HPSE2: variants seen among roughly 807,000 people sequenced by gnomAD.
The protein encoded by HPSE2 is inactive heparanase-2.
In HPSE2, 38 loss-of-function variants were observed where a neutral mutation model predicts 60.5. The ratio of observed to expected loss-of-function variants is 0.63; its 90% CI spans 0.48 to 0.82. The LOEUF is 0.82. Among genes scored for constraint, HPSE2 ranks in the 40% least tolerant of loss-of-function variants. The probability of loss-of-function intolerance (pLI) is 0.00; values close to 1 mark genes in which losing one functional copy is unlikely to be tolerated. For missense variants in HPSE2, 713 were observed against 740.4 expected (o/e 0.96, Z 0.43); for synonymous variants, 295 against 293.2 (o/e 1.01, Z -0.06).
the HPSE2 span, among the ~76,000 whole-genome samples, chr10:99,298,768 G>A: frequency 7.3e-5 from 11 of 151,490 alleles, no homozygotes; most frequent in Non-Finnish European, 1.2e-4. Flanking sequence ...TCTGCCTTCC[G>A]GGTTCGAGAG....
intron 6 of HPSE2, among the ~76,000 whole-genome samples, chr10:98,668,242 A>G (rs1169691776): frequency 6.6e-6 from 1 of 152,180 alleles, no homozygotes; most frequent in Non-Finnish European, 1.5e-5. Context: ...GGAATTACAA[A>G]ATACTGCTGA....
intron 3 of HPSE2, among the ~76,000 whole-genome samples, chr10:98,794,609 A>AT (rs1167375284): frequency 2.6e-5 from 4 of 152,196 alleles, no homozygotes; most frequent in African/African-American, 9.6e-5. Context: ...TGAACTTGAA[A>AT]TTTTTTTAAA....
At chr10:98,942,236 T>C (rs1001065764) in intron 3 of HPSE2, among the ~76,000 whole-genome samples, 2 of 142,080 alleles carry the variant, frequency 1.4e-5, no homozygotes, top group African/African-American at 2.9e-5. Flanking sequence ...AAATGGGATC[T>C]AATTAAACTC....
chr10:98,704,485 G>T (rs1948494666), intron 5 of HPSE2, among the ~76,000 whole-genome samples: 1 of 151,814 alleles, frequency 6.6e-6, no homozygotes, highest in South Asian at 2.1e-4. Flanking sequence ...GAAGCTAGAG[G>T]CATCATGCTA....
chr10:99,271,034 G>A, the HPSE2 span, among the ~76,000 whole-genome samples: 5 of 152,128 alleles, frequency 3.3e-5, no homozygotes, highest in South Asian at 2.1e-4. Context: ...ACATAATACC[G>A]AATGGGGAAA....
intron 3 of HPSE2, among the ~76,000 whole-genome samples, chr10:99,112,262 C>A (rs1844491972): frequency 6.6e-6 from 1 of 152,044 alleles, no homozygotes; most frequent in Admixed American, 6.5e-5. Context: ...TTTTTTGAGA[C>A]AGAGTCTCGC....
chr10:98,692,054 A>C (rs1948089874), intron 6 of HPSE2, among the ~76,000 whole-genome samples: 1 of 152,180 alleles, frequency 6.6e-6, no homozygotes, highest in Non-Finnish European at 1.5e-5. Context: ...GTAATTATAA[A>C]TTATTATAAG....
chr10:98,986,760 A>G (rs2135322770), intron 3 of HPSE2, among the ~76,000 whole-genome samples: 1 of 151,974 alleles, frequency 6.6e-6, no homozygotes, highest in South Asian at 2.1e-4. Flanking sequence ...ACTAATAAAG[A>G]AGAAAAGAGA....
At chr10:99,200,634 G>A (rs781661949) in intron 2 of HPSE2, among the ~76,000 whole-genome samples, 1 of 151,366 alleles carries the variant, frequency 6.6e-6, no homozygotes, top group Non-Finnish European at 1.5e-5. Flanking sequence ...TACAATGCCT[G>A]GTTCATATTA....
At chr10:98,879,659 C>T (rs762264953) in intron 3 of HPSE2, among the ~76,000 whole-genome samples, 1 of 151,902 alleles carries the variant, frequency 6.6e-6, no homozygotes, top group African/African-American at 2.4e-5. Flanking sequence ...TCTGGGAAAT[C>T]CCTGAAGTAA....
intron 3 of HPSE2, among the ~76,000 whole-genome samples, chr10:98,818,175 C>T (rs973160171): frequency 6.6e-6 from 1 of 152,164 alleles, no homozygotes; most frequent in African/African-American, 2.4e-5. Flanking sequence ...TACATGTATG[C>T]CCATCAGAGA....
At chr10:98,725,863 C>T (rs1281258434) in intron 4 of HPSE2, among the ~76,000 whole-genome samples, 1 of 152,174 alleles carries the variant, frequency 6.6e-6, no homozygotes, top group Non-Finnish European at 1.5e-5. Flanking sequence ...GACATTTATG[C>T]AGCCAAAAAA....
intron 6 of HPSE2, among the ~76,000 whole-genome samples, chr10:98,661,607 A>C (rs557488566): frequency 6.6e-6 from 1 of 152,236 alleles, no homozygotes; most frequent in Admixed American, 6.5e-5. Flanking sequence ...TCACCTAAAC[A>C]ATATATCTTT....
chr10:99,178,536 C>A (rs2133822260), intron 2 of HPSE2, among the ~76,000 whole-genome samples: 1 of 152,154 alleles, frequency 6.6e-6, no homozygotes, highest in Non-Finnish European at 1.5e-5. Context: ...CGGATAAATT[C>A]CTGGACACAT....
At chr10:98,684,263 A>G (rs1353382727) in intron 6 of HPSE2, among the ~76,000 whole-genome samples, 3 of 152,132 alleles carry the variant, frequency 2.0e-5, no homozygotes, top group Non-Finnish European at 2.9e-5. Flanking sequence ...CCAGATGGGA[A>G]CAGAAGGAGG....
chr10:99,022,912 CACATTACCACCTGTGCTGGCT>C (rs1245610869), intron 3 of HPSE2, among the ~76,000 whole-genome samples: 1 of 152,076 alleles, frequency 6.6e-6, no homozygotes, highest in Non-Finnish European at 1.5e-5. Flanking sequence ...TAAGATGTAC[CACATTACCACCTGTGCTGGCT>C]ACAAGGTAAA....
chr10:99,256,367 A>G, the HPSE2 span, among the ~76,000 whole-genome samples: 39 of 1,090 alleles, frequency 0.036, no homozygotes, highest in Non-Finnish European at 0.055. Flanking sequence ...CTGCCATGAG[A>G]TGTGTAGGGG....
chr10:98,459,277 GC>G lies in HPSE2; in HGVS notation c.*296del, dbSNP rs1197330915. 9.6e-6 allele frequency: 4 copies of G among 415,514 alleles called. No homozygotes were observed. Among genetic ancestry groups the G allele is most frequent in the African/African-American group, 2.0e-5 (1 of 49,242 alleles). 25.7% of individuals were successfully genotyped at this position (415,514 alleles called of 1,614,324 possible). The stretch of plus-strand genomic sequence containing the variant: ...CTGGAAACATTTCTCCTGGGAGTGT[GC>G]TGTCAGCTCGTTTTCATAGTGCACA... On this transcript the variant is annotated 3_prime_UTR_variant, in exon 12 of 12. Coordinates refer to ENST00000370552, the MANE Select transcript of HPSE2 (RefSeq NM_021828.5).
At chr10:98,510,654 T>C (rs532230387) in intron 9 of HPSE2, among the ~76,000 whole-genome samples, 1 of 152,334 alleles carries the variant, frequency 6.6e-6, no homozygotes, top group South Asian at 2.1e-4. Context: ...GACCCTAGGC[T>C]CTGACCAACT....
Sources: gnomAD v4.1 joint callset for allele counts (sites outside exome capture counted in the v4.1 genomes callset) on GRCh38, gnomAD v4.1.1 for gene constraint, MANE v1.5 for transcripts, NCBI Gene and HGNC (gene_info 2026-07-23, HGNC 2026-07-21) for gene names.